Variants in MCTP1 observed in about 807,000 individuals in gnomAD.
MCTP1 encodes multiple C2 and transmembrane domain-containing protein 1.
Under a neutral mutation model 120.6 loss-of-function variants are expected in MCTP1, and 69 were observed. The observed-to-expected ratio is 0.57, with a 90% confidence interval of 0.47 to 0.70. The LOEUF is 0.70. Ranked by LOEUF, MCTP1 falls within the 30% of genes least tolerant of loss-of-function variation. MCTP1 has a pLI of 0.00. For missense variants in MCTP1, 1,203 were observed against 1,248.8 expected, an observed-to-expected ratio of 0.96 and a Z score of 0.55; for synonymous variants, 529 against 493.1, an observed-to-expected ratio of 1.07 and a Z score of -0.96.
At chr5:94,752,577 G>T (rs1768759045) in intron 19 of MCTP1, among the ~76,000 whole-genome samples, 1 of 152,068 alleles carries the variant, frequency 6.6e-6, no homozygotes, top group Admixed American at 6.6e-5. Context: ...TGGGGCTAAA[G>T]AATTTGTGTT....
At chr5:94,711,842 C>T (rs949686924) in intron 20 of MCTP1, among the ~76,000 whole-genome samples, 3 of 151,970 alleles carry the variant, frequency 2.0e-5, no homozygotes, top group Non-Finnish European at 2.9e-5. Context: ...AGTAGAAAAT[C>T]AGGGAACTGG....
chr5:94,780,369 A>C (rs1776313174), intron 18 of MCTP1, among the ~76,000 whole-genome samples: 1 of 152,042 alleles, frequency 6.6e-6, no homozygotes, highest in Non-Finnish European at 1.5e-5. Flanking sequence ...AACATATCAG[A>C]ACTCCGTTAT....
intron 1 of MCTP1, among the ~76,000 whole-genome samples, chr5:95,198,216 T>A (rs917729528): frequency 2.0e-5 from 3 of 152,126 alleles, no homozygotes; most frequent in African/African-American, 7.2e-5. Context: ...GAGGATAGCA[T>A]TTATGGAAAC....
intron 18 of MCTP1, among the ~76,000 whole-genome samples, chr5:94,780,729 T>C (rs937195885): frequency 6.6e-6 from 1 of 152,156 alleles, no homozygotes; most frequent in Non-Finnish European, 1.5e-5. Context: ...ATAGCATTTA[T>C]TATAAACCCC....
intron 1 of MCTP1, among the ~76,000 whole-genome samples, chr5:95,064,474 T>G (rs1487302866): frequency 6.6e-6 from 1 of 152,222 alleles, no homozygotes; most frequent in East Asian, 1.9e-4. Flanking sequence ...TTAGTAACCC[T>G]TAATAACTCA....
intron 2 of MCTP1, among the ~76,000 whole-genome samples, chr5:94,994,680 C>T (rs767928943): frequency 2.6e-5 from 4 of 152,076 alleles, no homozygotes; most frequent in Non-Finnish European, 5.9e-5. Context: ...AGTATTGTTC[C>T]TGGGTGTGTC....
intron 1 of MCTP1, 35 bp from the exon 2 acceptor site, chr5:95,017,519 A>T: frequency 7.8e-7 from 1 of 1,285,542 alleles, no homozygotes; most frequent in Non-Finnish European, 1.1e-6. Flanking sequence ...TATTAAATTT[A>T]TTATCTCTGT....
chr5:95,175,110 AG>A (rs1429310507), intron 1 of MCTP1, among the ~76,000 whole-genome samples: 2 of 152,250 alleles, frequency 1.3e-5, no homozygotes, highest in East Asian at 3.8e-4. Context: ...GGAAAAAAAT[AG>A]AATTAAACTT....
intron 1 of MCTP1, among the ~76,000 whole-genome samples, chr5:95,026,287 C>T (rs993070545): frequency 1.1e-4 from 17 of 152,044 alleles, no homozygotes; most frequent in African/African-American, 3.9e-4. Flanking sequence ...TTACCCTTTG[C>T]GTTACATACA....
intron 1 of MCTP1, among the ~76,000 whole-genome samples, chr5:95,075,610 A>G (rs1753334118): frequency 3.9e-5 from 6 of 152,220 alleles, no homozygotes; most frequent in Admixed American, 3.9e-4. Flanking sequence ...GATATATAAA[A>G]AAACACCTAG....
At chr5:94,734,121 C>T (rs542041880) in intron 19 of MCTP1, among the ~76,000 whole-genome samples, 68 of 152,236 alleles carry the variant, frequency 4.5e-4, no homozygotes, top group African/African-American at 1.4e-3. Flanking sequence ...ACCTCCAATG[C>T]GCACTAAATG....
At chr5:95,101,085 G>T (rs1311450627) in intron 1 of MCTP1, among the ~76,000 whole-genome samples, 1 of 150,228 alleles carries the variant, frequency 6.7e-6, no homozygotes, top group Non-Finnish European at 1.5e-5. Flanking sequence ...TAATTAGAAA[G>T]AAAGTAAAAA....
chr5:94,815,576 T>G (rs941120536), intron 17 of MCTP1, among the ~76,000 whole-genome samples: 1 of 152,186 alleles, frequency 6.6e-6, no homozygotes, highest in African/African-American at 2.4e-5. Context: ...TTTATGTCTT[T>G]GCCTTTCAGA....
chr5:94,801,172 C>G (rs187361773), intron 17 of MCTP1, among the ~76,000 whole-genome samples: 11 of 152,078 alleles, frequency 7.2e-5, no homozygotes, highest in Admixed American at 7.2e-4. Flanking sequence ...AATATAAGCT[C>G]CTTTAAAGGT....
At chr5:94,855,380 T>C (rs1794536462) in intron 17 of MCTP1, among the ~76,000 whole-genome samples, 1 of 151,778 alleles carries the variant, frequency 6.6e-6, no homozygotes, top group Non-Finnish European at 1.5e-5. Flanking sequence ...CTACTTCCTG[T>C]GACAATGAAC....
chr5:95,156,285 G>A (rs1745123588), intron 1 of MCTP1, among the ~76,000 whole-genome samples: 1 of 152,172 alleles, frequency 6.6e-6, no homozygotes, highest in Non-Finnish European at 1.5e-5. Flanking sequence ...TACACCGGAA[G>A]AGAAGACTAA....
At chr5:94,930,420 T>C (rs1001446890) in intron 6 of MCTP1, among the ~76,000 whole-genome samples, 2 of 151,728 alleles carry the variant, frequency 1.3e-5, no homozygotes, top group Non-Finnish European at 2.9e-5. Context: ...ATTACAGGCA[T>C]GTGCCACTAC....
chr5:95,156,551 CAT>C lies in MCTP1; in HGVS notation c.720+127303_720+127304del, dbSNP rs1221324392. 2.0e-5 allele frequency among the ~76,000 whole-genome samples: 3 copies of C among 152,200 alleles called. No homozygotes were observed. In the East Asian group the frequency reaches 5.8e-4, roughly 29 times the overall value. ...TTGTTCACAGACACTACTTCCCTAA[CAT>C]GTGTTCTGTGGTAGTTTTTAAAAAG... is the stretch of plus-strand genomic sequence containing the variant. On this transcript the variant is annotated intron_variant, in intron 1 of 22. Coordinates refer to ENST00000515393, the MANE Select transcript of MCTP1 (RefSeq NM_024717.7).
At chr5:94,954,597 A>G (rs765951077) in intron 2 of MCTP1, among the ~76,000 whole-genome samples, 1 of 152,172 alleles carries the variant, frequency 6.6e-6, no homozygotes. Context: ...TGTAAATTTA[A>G]TTAAAGTTAT....
Sources: gnomAD v4.1 joint callset for allele counts (sites outside exome capture counted in the v4.1 genomes callset) on GRCh38, gnomAD v4.1.1 for gene constraint, MANE v1.5 for transcripts, NCBI Gene and HGNC (gene_info 2026-07-23, HGNC 2026-07-21) for gene names.